The following LRP1B variants were observed in gnomAD, a reference collection of about 807,000 sequenced individuals.
LRP1B encodes the protein low-density lipoprotein receptor-related protein 1B.
A neutral mutation model predicts 556.6 loss-of-function variants in LRP1B; 217 were observed. The ratio of observed to expected loss-of-function variants is 0.39; its 90% CI spans 0.35 to 0.44. The LOEUF is 0.44. LRP1B is among the 20% of genes least tolerant of loss of function. The probability of loss-of-function intolerance (pLI) is 1.00; values close to 1 mark genes in which losing one functional copy is unlikely to be tolerated. For synonymous variants in LRP1B, 2,047 were observed against 1,865.8 expected (o/e 1.10, Z -2.50); for missense variants, 5,053 against 5,620.8 (o/e 0.90, Z 3.23).
intron 72 of LRP1B, among the ~76,000 whole-genome samples, chr2:140,360,212 G>A (rs369239115): frequency 4.0e-5 from 6 of 151,506 alleles, no homozygotes; most frequent in East Asian, 2.0e-4. Flanking sequence ...TATCTTGCTC[G>A]TGCCAATCCT....
chr2:142,100,406 G>A (rs1438452341), intron 1 of LRP1B, among the ~76,000 whole-genome samples: 1 of 152,010 alleles, frequency 6.6e-6, no homozygotes, highest in African/African-American at 2.4e-5. Flanking sequence ...AGTTCCTGAA[G>A]TGAATACCAG....
chr2:140,978,504 G>A (rs1696671061), intron 18 of LRP1B, among the ~76,000 whole-genome samples: 2 of 152,046 alleles, frequency 1.3e-5, no homozygotes, highest in Non-Finnish European at 1.5e-5. Context: ...AGCAAAATAT[G>A]GCCAGTATGA....
chr2:141,705,571 G>A (rs1268352706), intron 2 of LRP1B, among the ~76,000 whole-genome samples: 1 of 151,890 alleles, frequency 6.6e-6, no homozygotes, highest in Non-Finnish European at 1.5e-5. Flanking sequence ...ATTATTCTAC[G>A]AATTCCTTTC....
At chr2:141,084,030 T>G (rs1179077430) in intron 7 of LRP1B, among the ~76,000 whole-genome samples, 4 of 152,178 alleles carry the variant, frequency 2.6e-5, no homozygotes, top group Non-Finnish European at 4.4e-5. Context: ...TTACCTTATC[T>G]GCAAAATAGA....
intron 83 of LRP1B, among the ~76,000 whole-genome samples, chr2:140,301,331 C>A (rs955517105): frequency 6.6e-6 from 1 of 151,922 alleles, no homozygotes; most frequent in Non-Finnish European, 1.5e-5. Flanking sequence ...TACTCTCTTT[C>A]TTCCCCCTTT....
chr2:140,553,322 A>G (rs989283548), intron 43 of LRP1B, among the ~76,000 whole-genome samples: 7 of 152,032 alleles, frequency 4.6e-5, no homozygotes, highest in Non-Finnish European at 1.0e-4. Flanking sequence ...TAGAACAAAT[A>G]CAAGATGCCT....
Position 141,022,791 on chromosome 2 carries a change from T to G in LRP1B, c.1790-2689A>C, listed in dbSNP as rs561048487. Reference sequence around the variant, plus strand: ...AGGAAGATGTTTGATAAAGAAAAACTTGGTAGAGTAGATTTCTTTGTATAC... The same window carrying G: ...AGGAAGATGTTTGATAAAGAAAAACGTGGTAGAGTAGATTTCTTTGTATAC... On this transcript the variant is annotated intron_variant, in intron 11 of 90. Transcript: ENST00000389484. Among the ~76,000 whole-genome samples, 8 of 152,080 alleles carry G rather than the reference T, an allele frequency of 5.3e-5. No homozygotes were observed. In the South Asian group the frequency reaches 1.7e-3, roughly 32 times the overall value.
At chr2:141,492,408 G>A (rs1683368356) in intron 2 of LRP1B, among the ~76,000 whole-genome samples, 1 of 152,134 alleles carries the variant, frequency 6.6e-6, no homozygotes, top group African/African-American at 2.4e-5. Flanking sequence ...TCAGGGAGAA[G>A]TTTGCTCTGT....
intron 3 of LRP1B, among the ~76,000 whole-genome samples, chr2:141,343,022 T>C (rs1370281955): frequency 6.6e-6 from 1 of 152,058 alleles, no homozygotes; most frequent in Non-Finnish European, 1.5e-5. Flanking sequence ...TAACAGAGGG[T>C]CTCTCTGCAG....
chr2:140,783,756 G>T (rs1689784696), intron 32 of LRP1B, among the ~76,000 whole-genome samples: 2 of 152,106 alleles, frequency 1.3e-5, no homozygotes, highest in Admixed American at 1.3e-4. Context: ...TAAAAAAGTG[G>T]TTAGAATCCA....
In LRP1B at chr2:140,460,453, T is replaced by C. The variant is rs958763733; in HGVS notation, c.9626-2802A>G. ...AACAAACCCTTAATTAATGCTGAGA[T>C]GTCGTTAAATTTAGGGGAAAAGTAG... On this transcript the variant is annotated intron_variant, in intron 60 of 90. Transcript: ENST00000389484. 1.5e-4 allele frequency among the ~76,000 whole-genome samples: 23 copies of C among 152,174 alleles called. 1 individual carries two copies. Among genetic ancestry groups the C allele is most frequent in the African/African-American group, 5.6e-4 (23 of 41,434 alleles).
intron 66 of LRP1B, among the ~76,000 whole-genome samples, chr2:140,434,106 G>C (rs1440431711): frequency 1.3e-5 from 2 of 151,448 alleles, no homozygotes; most frequent in South Asian, 2.1e-4. Flanking sequence ...ATCTCACTCT[G>C]TCACCCAGGC....
At chr2:141,109,271 T>C (rs1216678230) in intron 7 of LRP1B, among the ~76,000 whole-genome samples, 1 of 152,128 alleles carries the variant, frequency 6.6e-6, no homozygotes, top group Non-Finnish European at 1.5e-5. Context: ...GGAGGCCAAT[T>C]TGATTAATAA....
chr2:140,981,990 T>C (rs1384739831), intron 18 of LRP1B, among the ~76,000 whole-genome samples, 170 bp downstream of exon 18: 2 of 152,204 alleles, frequency 1.3e-5, no homozygotes, highest in African/African-American at 4.8e-5. Flanking sequence ...ATTCAGAAGT[T>C]ATCATTAAAG....
chr2:140,643,568 T>C (rs1276797809), intron 41 of LRP1B, among the ~76,000 whole-genome samples: 1 of 152,216 alleles, frequency 6.6e-6, no homozygotes, highest in Non-Finnish European at 1.5e-5. Context: ...TTTAAAAATA[T>C]AATGGCAAGC....
rs565959239 is a variant in LRP1B, at chr2:141,702,815, T to C, written c.205+107464A>G. On this transcript the variant is annotated intron_variant, in intron 2 of 90. Transcript: ENST00000389484. ...AGTTGTGGGACTATAAACGGAGTGATGTAAGGTTGAAAGTAAACTACTTGA... is the reference window on the plus strand; with the variant it reads ...AGTTGTGGGACTATAAACGGAGTGACGTAAGGTTGAAAGTAAACTACTTGA... Among the ~76,000 whole-genome samples, 22 of 151,998 alleles carry C rather than the reference T, an allele frequency of 1.4e-4. No individual in the cohort carries two copies. The South Asian group carries it at 1.5e-3, about 10-fold the overall frequency.
chr2:140,272,684 C>A (rs1195182161), intron 85 of LRP1B, among the ~76,000 whole-genome samples: 1 of 151,908 alleles, frequency 6.6e-6, no homozygotes, highest in Non-Finnish European at 1.5e-5. Context: ...ACATCACTAA[C>A]TTCATTTTAA....
chr2:140,967,194 T>A (rs1041855590), intron 18 of LRP1B, among the ~76,000 whole-genome samples: 2 of 152,306 alleles, frequency 1.3e-5, no homozygotes, highest in East Asian at 1.9e-4. Context: ...GTTCTTCCAT[T>A]TGTTTGTATC....
intron 49 of LRP1B, among the ~76,000 whole-genome samples, chr2:140,518,940 G>T (rs574091267): frequency 6.6e-6 from 1 of 151,436 alleles, no homozygotes; most frequent in Non-Finnish European, 1.5e-5. Context: ...TTGCCTGATT[G>T]CCCTGGCCAG....
Sources: allele counts gnomAD v4.1 joint callset (sites outside exome capture counted in the v4.1 genomes callset), GRCh38; gene constraint gnomAD v4.1.1; transcripts MANE v1.5; gene names NCBI Gene and HGNC (gene_info 2026-07-23, HGNC 2026-07-21).